Variants in FHIT observed in about 807,000 individuals in gnomAD.
FHIT encodes bis(5'-adenosyl)-triphosphatase.
Under a neutral mutation model 17.9 loss-of-function variants are expected in FHIT, and 19 were observed. The ratio of observed to expected loss-of-function variants is 1.06; its 90% CI spans 0.74 to 1.56. FHIT has a LOEUF of 1.56. Among genes scored for constraint, FHIT ranks in the 40% most tolerant of loss-of-function variants. The pLI is 0.00. For missense variants in FHIT, 248 were observed against 189.2 expected (o/e 1.31, Z -1.82); for synonymous variants, 81 against 69.7 (o/e 1.16, Z -0.81).
chr3:60,757,865 G>A (rs1553718719), intron 4 of FHIT, among the ~76,000 whole-genome samples: 1 of 152,196 alleles, frequency 6.6e-6, no homozygotes, highest in Non-Finnish European at 1.5e-5. Context: ...AGAAGTGGAA[G>A]ACTAGTCTAG....
At chr3:60,141,514 T>A (rs932045805) in intron 5 of FHIT, among the ~76,000 whole-genome samples, 7 of 152,020 alleles carry the variant, frequency 4.6e-5, no homozygotes, top group Admixed American at 1.3e-4. Context: ...AAACAGGAAG[T>A]CACTCTCATC....
intron 5 of FHIT, among the ~76,000 whole-genome samples, chr3:60,137,657 T>G (rs1159554142): frequency 6.6e-6 from 1 of 152,164 alleles, no homozygotes; most frequent in Non-Finnish European, 1.5e-5. Context: ...CCTGAAACTC[T>G]GTTAGGAAAT....
At chr3:61,001,985 T>G (rs779911018) in intron 3 of FHIT, among the ~76,000 whole-genome samples, 6 of 152,220 alleles carry the variant, frequency 3.9e-5, no homozygotes, top group Non-Finnish European at 8.8e-5. Context: ...GTGTATCTAC[T>G]GTTATTTCAA....
chr3:59,825,659 C>T (rs1397846488), intron 8 of FHIT, among the ~76,000 whole-genome samples: 2 of 152,296 alleles, frequency 1.3e-5, no homozygotes, highest in African/African-American at 4.8e-5. Flanking sequence ...TGAATGAAGG[C>T]CTCAGTTTAT....
intron 4 of FHIT, among the ~76,000 whole-genome samples, chr3:60,577,820 A>G (rs981914258): frequency 1.3e-5 from 2 of 152,192 alleles, no homozygotes; most frequent in African/African-American, 2.4e-5. Flanking sequence ...TAGATGCCTC[A>G]TTGGCTGTTA....
At chr3:60,359,783 C>T (rs548659095) in intron 5 of FHIT, among the ~76,000 whole-genome samples, 4 of 152,152 alleles carry the variant, frequency 2.6e-5, no homozygotes, top group South Asian at 2.1e-4. Flanking sequence ...CACTGTCTTC[C>T]CTAAAAGCAT....
intron 8 of FHIT, among the ~76,000 whole-genome samples, chr3:59,868,268 T>A (rs1003077601): frequency 2.0e-5 from 3 of 152,128 alleles, no homozygotes; most frequent in Admixed American, 2.0e-4. Context: ...AGATTGACGT[T>A]GTTCCATTTC....
chr3:60,032,687 T>G (rs964251996), intron 5 of FHIT, among the ~76,000 whole-genome samples: 1 of 152,168 alleles, frequency 6.6e-6, no homozygotes, highest in African/African-American at 2.4e-5. Context: ...ACACTGTGAT[T>G]TGAAGCACAT....
At chr3:60,979,731 G>C (rs937517152) in intron 3 of FHIT, among the ~76,000 whole-genome samples, 4 of 152,182 alleles carry the variant, frequency 2.6e-5, no homozygotes, top group African/African-American at 9.7e-5. Flanking sequence ...TGCTCATTCA[G>C]GGATTGCTGC....
At chr3:60,138,439 G>C (rs1699904993) in intron 5 of FHIT, among the ~76,000 whole-genome samples, 1 of 152,140 alleles carries the variant, frequency 6.6e-6, no homozygotes, top group Non-Finnish European at 1.5e-5. Flanking sequence ...TCAGTTCAAT[G>C]ATGCTTCCTG....
At chr3:60,796,586 T>C (rs533928256) in intron 4 of FHIT, among the ~76,000 whole-genome samples, 2 of 151,988 alleles carry the variant, frequency 1.3e-5, no homozygotes, top group South Asian at 4.2e-4. Flanking sequence ...GGGTTGTTGT[T>C]TGTTTGTTTG....
intron 5 of FHIT, among the ~76,000 whole-genome samples, chr3:60,076,445 T>C (rs1452326221): frequency 6.6e-6 from 1 of 151,904 alleles, no homozygotes; most frequent in African/African-American, 2.4e-5. Context: ...ATGTTCCTCG[T>C]GCAAGAAAGT....
rs1217017220 is a variant in FHIT, at chr3:60,274,917, C to G, written c.104-260765G>C. 2.0e-5 allele frequency among the ~76,000 whole-genome samples: 3 copies of G among 152,078 alleles called. No individual in the cohort carries two copies. In the South Asian group the frequency reaches 6.2e-4, roughly 32 times the overall value. On this transcript the variant is annotated intron_variant, in intron 5 of 9. Transcript: ENST00000492590. ...TAACTTTGCTTTAGGGAAAAAAATT[C>G]TATTTTAATTTTCATTCCCAAACAG...
chr3:59,949,298 T>C (rs1440188232), intron 7 of FHIT, among the ~76,000 whole-genome samples: 1 of 152,378 alleles, frequency 6.6e-6, no homozygotes, highest in South Asian at 2.1e-4. Flanking sequence ...TTATCCTGTC[T>C]ATCTTGAGTC....
chr3:59,907,693 T>C (rs1704650396), intron 8 of FHIT, among the ~76,000 whole-genome samples: 1 of 152,254 alleles, frequency 6.6e-6, no homozygotes, highest in Non-Finnish European at 1.5e-5. Context: ...GGGTAATATA[T>C]GAGTTTTCTA....
At chr3:61,027,755 A>G (rs1037084463) in intron 3 of FHIT, among the ~76,000 whole-genome samples, 5 of 152,226 alleles carry the variant, frequency 3.3e-5, no homozygotes, top group African/African-American at 7.2e-5. Context: ...GGCTATGGAT[A>G]TAAGAATTTG....
intron 3 of FHIT, among the ~76,000 whole-genome samples, chr3:60,861,156 C>G (rs1373959585): frequency 4.6e-4 from 3 of 6,496 alleles, no homozygotes; most frequent in Admixed American, 4.7e-3. Context: ...GATCTATATA[C>G]ATATATATCA....
At chr3:60,077,738 A>AGAG (rs1553677447) in intron 5 of FHIT, among the ~76,000 whole-genome samples, 12 of 122,616 alleles carry the variant, frequency 9.8e-5, no homozygotes, top group African/African-American at 3.1e-4. Context: ...ACATATATAG[A>AGAG]GGGGGGGGGG....
chr3:60,514,540 A>T (rs741752), intron 5 of FHIT, among the ~76,000 whole-genome samples: 1 of 152,018 alleles, frequency 6.6e-6, no homozygotes, highest in Non-Finnish European at 1.5e-5. Flanking sequence ...TAATGCATGC[A>T]GGGCTTAACA....
Sources: gnomAD v4.1 joint callset for allele counts (sites outside exome capture counted in the v4.1 genomes callset) on GRCh38, gnomAD v4.1.1 for gene constraint, MANE v1.5 for transcripts, NCBI Gene and HGNC (gene_info 2026-07-23, HGNC 2026-07-21) for gene names.